VWA8: variants seen among roughly 807,000 people sequenced by gnomAD.
VWA8 encodes the protein von Willebrand factor A domain containing 8.
Under a neutral mutation model 241.5 loss-of-function variants are expected in VWA8, and 221 were observed. That is an observed-to-expected ratio of 0.91 (90% CI 0.82 to 1.02). The LOEUF (loss-of-function observed/expected upper bound fraction) is 1.02, where lower values mean the gene tolerates loss of function less well. Among genes scored for constraint, VWA8 ranks in the 50% least tolerant of loss-of-function variants. The pLI is 0.00. For synonymous variants in VWA8, 852 were observed against 827.1 expected, an observed-to-expected ratio of 1.03 and a Z score of -0.52; for missense variants, 2,322 against 2,328.7, an observed-to-expected ratio of 1.00 and a Z score of 0.06.
chr13:41,733,948 T>C (rs773717229), intron 21 of VWA8, among the ~76,000 whole-genome samples: 17 of 152,188 alleles, frequency 1.1e-4, no homozygotes, highest in Non-Finnish European at 1.9e-4. Flanking sequence ...GACTTTCAAA[T>C]TTATCAGATC....
intron 37 of VWA8, among the ~76,000 whole-genome samples, chr13:41,616,575 A>C (rs2044621405): frequency 6.6e-6 from 1 of 152,208 alleles, no homozygotes; most frequent in South Asian, 2.1e-4. Context: ...GTAAGAGATA[A>C]GCAGTAAATT....
At chr13:41,756,641 T>C (rs558348685) in intron 21 of VWA8, among the ~76,000 whole-genome samples, 90 of 151,892 alleles carry the variant, frequency 5.9e-4, no homozygotes, top group African/African-American at 2.0e-3. Context: ...GGCATCTGTA[T>C]ATACATCTCC....
intron 26 of VWA8, among the ~76,000 whole-genome samples, chr13:41,714,997 C>T (rs2045339467): frequency 6.6e-6 from 1 of 151,896 alleles, no homozygotes. Context: ...CTGTTTATAT[C>T]ATCCTTAGAA....
At chr13:41,858,896 G>A (rs1872877981) in intron 12 of VWA8, among the ~76,000 whole-genome samples, 1 of 152,040 alleles carries the variant, frequency 6.6e-6, no homozygotes, top group Non-Finnish European at 1.5e-5. Flanking sequence ...AAGAAAACAA[G>A]ATGAGCTACA....
At chr13:41,599,149 T>C (rs1313830211) in intron 40 of VWA8, among the ~76,000 whole-genome samples, 2 of 152,170 alleles carry the variant, frequency 1.3e-5, no homozygotes, top group African/African-American at 4.8e-5. Context: ...TTAGCTTTCT[T>C]ATGGTTTTTA....
At chr13:41,698,511 T>C (rs1314585512) in intron 29 of VWA8, among the ~76,000 whole-genome samples, 1 of 152,186 alleles carries the variant, frequency 6.6e-6, no homozygotes, top group East Asian at 1.9e-4. Context: ...CGGATAGAAC[T>C]TGAGCATCAT....
chr13:41,585,887 A>AAAAAGG (rs2044414789), intron 42 of VWA8, among the ~76,000 whole-genome samples: 1 of 151,154 alleles, frequency 6.6e-6, no homozygotes, highest in Non-Finnish European at 1.5e-5. Flanking sequence ...AAAGAAAAAG[A>AAAAAGG]AAAAGAAAAA....
chr13:41,882,048 C>T lies in VWA8; in HGVS notation c.1080+1339G>A, dbSNP rs530082747. Among the ~76,000 whole-genome samples, 11 of 124,744 alleles carry T rather than the reference C, an allele frequency of 8.8e-5. No homozygotes were observed. In the South Asian group the frequency reaches 1.2e-3, roughly 14 times the overall value. The allele number at this position is 124,744 out of a possible 152,430, so 81.8% of individuals were successfully genotyped here. A position where few individuals can be genotyped will look rare whatever the true frequency, so the allele number is the denominator to read the frequency against. ...GCGGAGGGGCTCCTCACTTCTCAGA[C>T]GGGCGGTTGCCAGGCGGAGGGTCTC... On this transcript the variant is annotated intron_variant, in intron 9 of 44. Coordinates refer to ENST00000379310, the MANE Select transcript of VWA8 (RefSeq NM_015058.2).
In VWA8 at chr13:41,719,628, T is replaced by A; in HGVS notation, c.3079A>T (p.Ile1027Phe). Reference sequence around the variant, plus strand: ...TGCACACTGGTAGGCTTTGCTCCGATAGGTATCCCGTATTTGTGTAAAGTG... The same window carrying A: ...TGCACACTGGTAGGCTTTGCTCCGAAAGGTATCCCGTATTTGTGTAAAGTG... ...INTLHKYGIP[I>F]GAKPTSVQLA... The change falls in exon 26 of 45, where the codon ATC becomes TTC. Residue 1027 changes from isoleucine (I) to phenylalanine (F), a missense_variant. Coordinates refer to ENST00000379310, the MANE Select transcript of VWA8 (RefSeq NM_015058.2). The A allele has an allele frequency of 6.2e-7, 1 of 1,613,192 alleles. No individual in the cohort carries two copies. Among genetic ancestry groups the A allele is most frequent in the Non-Finnish European group, 8.5e-7 (1 of 1,179,366 alleles).
chr13:41,803,036 T>C (rs551979739), intron 17 of VWA8, among the ~76,000 whole-genome samples: 28 of 152,210 alleles, frequency 1.8e-4, no homozygotes, highest in African/African-American at 3.1e-4. Context: ...GTCCAAGGAA[T>C]TCTCCTGGTT....
At chr13:41,819,483 C>A (rs1176908258) in intron 14 of VWA8, 97 bp from the exon 15 acceptor site, 3 of 1,226,374 alleles carry the variant, frequency 2.4e-6, no homozygotes, top group Non-Finnish European at 3.4e-6. Context: ...GGCTATCATA[C>A]TGTTAATAAT....
At chr13:41,791,719 AACTT>A (rs1433239452) in intron 17 of VWA8, among the ~76,000 whole-genome samples, 33 of 152,018 alleles carry the variant, frequency 2.2e-4, no homozygotes, top group African/African-American at 7.7e-4. Context: ...AAATGCATGC[AACTT>A]ACTTCATTTT....
At chr13:41,647,905 C>T (rs1006971907) in intron 37 of VWA8, among the ~76,000 whole-genome samples, 1 of 152,102 alleles carries the variant, frequency 6.6e-6, no homozygotes, top group African/African-American at 2.4e-5. Flanking sequence ...AGGAGAATCG[C>T]CTAAACCCGG....
At chr13:41,587,762 A>C in intron 41 of VWA8, 92 bp from the exon 42 acceptor site, 4 of 1,506,422 alleles carry the variant, frequency 2.7e-6, no homozygotes, top group Non-Finnish European at 3.6e-6. Flanking sequence ...CCAGCGTGCC[A>C]GCCCCGAGAT....
At chr13:41,570,819 A>C (rs930376232) in intron 43 of VWA8, 113 bp from the exon 44 acceptor site, 21 of 823,608 alleles carry the variant, frequency 2.5e-5, no homozygotes, top group Non-Finnish European at 3.6e-5. Context: ...ATTACCCATG[A>C]GTAGTACATT....
At chr13:41,796,112 CAG>C (rs1869689198) in intron 17 of VWA8, among the ~76,000 whole-genome samples, 1 of 152,048 alleles carries the variant, frequency 6.6e-6, no homozygotes, top group Non-Finnish European at 1.5e-5. Flanking sequence ...ATATTTTACT[CAG>C]AATGTTTGCA....
chr13:41,924,165 G>T (rs1235557496), intron 2 of VWA8, among the ~76,000 whole-genome samples: 1 of 151,796 alleles, frequency 6.6e-6, no homozygotes, highest in African/African-American at 2.4e-5. Flanking sequence ...AATGAAAACA[G>T]GAAAACAATT....
chr13:41,649,937 G>C (rs1305802014), intron 37 of VWA8, among the ~76,000 whole-genome samples: 1 of 152,148 alleles, frequency 6.6e-6, no homozygotes. Flanking sequence ...GCTGGGACGG[G>C]AAATAATCTA....
intron 17 of VWA8, among the ~76,000 whole-genome samples, chr13:41,798,031 C>G (rs566991263): frequency 1.0e-3 from 158 of 151,966 alleles, no homozygotes; most frequent in Non-Finnish European, 1.7e-3. Flanking sequence ...GATTTATTTC[C>G]TTTTTTATTT....
Sources: allele counts gnomAD v4.1 joint callset (sites outside exome capture counted in the v4.1 genomes callset), GRCh38; gene constraint gnomAD v4.1.1; transcripts MANE v1.5; gene names NCBI Gene and HGNC (gene_info 2026-07-23, HGNC 2026-07-21).